The following MAP7D2 variants were observed in gnomAD, a reference collection of about 807,000 sequenced individuals.
MAP7D2 encodes the protein MAP7 domain containing 2.
A neutral mutation model predicts 63.5 loss-of-function variants in MAP7D2; 33 were observed. That is an observed-to-expected ratio of 0.52 (90% CI 0.39 to 0.70). MAP7D2 has a LOEUF of 0.70. MAP7D2 is among the 30% of genes least tolerant of loss of function. The pLI is 0.00. For missense variants in MAP7D2, 626 were observed against 604.0 expected, an observed-to-expected ratio of 1.04 and a Z score of -0.38; for synonymous variants, 224 against 223.7, an observed-to-expected ratio of 1.00 and a Z score of -0.01.
chrX:20,089,328 T>C (rs1433004951), intron 1 of MAP7D2, among the ~76,000 whole-genome samples: 2 of 112,316 alleles, frequency 1.8e-5, no homozygotes, highest in Non-Finnish European at 3.8e-5. Context: ...TCTATCCTTA[T>C]GCCAGTATCA....
intron 8 of MAP7D2, among the ~76,000 whole-genome samples, chrX:20,034,216 C>A (rs1254127592): frequency 3.0e-5 from 2 of 65,787 alleles, no homozygotes; most frequent in African/African-American, 1.4e-4. Context: ...CAGAGTGAGA[C>A]CCTGTCTCCA....
At chrX:20,087,089 T>C (rs1267823317) in intron 1 of MAP7D2, among the ~76,000 whole-genome samples, 2 of 112,113 alleles carry the variant, frequency 1.8e-5, no homozygotes, top group African/African-American at 6.5e-5. Flanking sequence ...AATAACACAT[T>C]GGTGGGGGGA....
chrX:20,108,622 G>A (rs948178425), intron 1 of MAP7D2, among the ~76,000 whole-genome samples: 1 of 107,892 alleles, frequency 9.3e-6, no homozygotes, highest in African/African-American at 3.4e-5. Flanking sequence ...AATCTAACCT[G>A]ATATTTAAAA....
intron 14 of MAP7D2, 54 bp from the exon 15 acceptor site, chrX:20,012,589 A>G: frequency 1.0e-6 from 1 of 1,001,271 alleles, no homozygotes; most frequent in Non-Finnish European, 1.4e-6. Flanking sequence ...TAAATAAAGT[A>G]ACAGAGAAAT....
At chrX:20,054,258 T>G (rs2065018536) in intron 4 of MAP7D2, among the ~76,000 whole-genome samples, 1 of 112,548 alleles carries the variant, frequency 8.9e-6, no homozygotes, top group Non-Finnish European at 1.9e-5. Context: ...TTTTCCATAT[T>G]TTAAACTACT....
intron 3 of MAP7D2, among the ~76,000 whole-genome samples, chrX:20,059,869 A>G: frequency 9.0e-6 from 1 of 111,560 alleles, no homozygotes; most frequent in Non-Finnish European, 1.9e-5. Context: ...ATGAACTTGG[A>G]GAATCACGAC....
At chrX:20,083,231 A>G (rs916159851) in intron 1 of MAP7D2, among the ~76,000 whole-genome samples, 4 of 112,621 alleles carry the variant, frequency 3.6e-5, no homozygotes, top group Non-Finnish European at 7.5e-5. Context: ...GTGGAACTGA[A>G]TATTTGGTTC....
rs970721594 is a variant in MAP7D2 at position 20,098,865 on chromosome X, G to A, written c.130+17885C>T. Among the ~76,000 whole-genome samples, 3 of 112,509 alleles carry A rather than the reference G, an allele frequency of 2.7e-5. No homozygotes were observed. The Admixed American group carries it at 2.8e-4, about 11-fold the overall frequency. ...CAAACACAGCAGGCAGAGATAAGTG[G>A]ATGTCTAAGAAGTCAGCAGCACTCC... is the stretch of plus-strand genomic sequence containing the variant. On this transcript the variant is annotated intron_variant, in intron 1 of 16. Coordinates refer to ENST00000379643, the MANE Select transcript of MAP7D2 (RefSeq NM_001168465.2).
intron 1 of MAP7D2, among the ~76,000 whole-genome samples, chrX:20,106,487 G>A (rs2148553609): frequency 8.9e-6 from 1 of 112,081 alleles, no homozygotes; most frequent in South Asian, 3.7e-4. Flanking sequence ...TGTGCTTCAC[G>A]CCATACTTGA....
At chrX:20,060,416 AAGAG>A (rs201124124) in intron 3 of MAP7D2, among the ~76,000 whole-genome samples, 6,750 of 85,810 alleles carry the variant, frequency 0.079, 360 homozygotes, top group African/African-American at 0.17. Context: ...AAGAAAAGAA[AAGAG>A]AGAGAGAGAG....
chrX:20,070,168 C>G (rs2065465769), intron 1 of MAP7D2, among the ~76,000 whole-genome samples: 1 of 111,554 alleles, frequency 9.0e-6, no homozygotes, highest in African/African-American at 3.3e-5. Flanking sequence ...AAGCTAGTCT[C>G]AAACTCCTGA....
At chrX:20,047,137 G>A (rs1034377975) in intron 6 of MAP7D2, among the ~76,000 whole-genome samples, 1 of 112,192 alleles carries the variant, frequency 8.9e-6, no homozygotes, top group African/African-American at 3.2e-5. Flanking sequence ...TAGGGTCACT[G>A]GTAGAACTGT....
At chrX:20,011,595 G>A (rs1603347982) in intron 15 of MAP7D2, among the ~76,000 whole-genome samples, 1 of 112,080 alleles carries the variant, frequency 8.9e-6, no homozygotes, top group Non-Finnish European at 1.9e-5. Flanking sequence ...GAATCTGATC[G>A]TGCTGAGAAG....
rs566978947 is a variant in MAP7D2, at chrX:20,071,514, T to C, written c.131-6709A>G. Among the ~76,000 whole-genome samples, 3 of 112,340 alleles carry C rather than the reference T, an allele frequency of 2.7e-5. No homozygotes were observed. In the South Asian group the frequency reaches 1.1e-3, roughly 41 times the overall value. On this transcript the variant is annotated intron_variant, in intron 1 of 16. Coordinates refer to ENST00000379643, the MANE Select transcript of MAP7D2 (RefSeq NM_001168465.2). ...TCCAGAACTTCTGATGGAGTAAGTCTGGGGTGAGCCAGAGAATCTGCCTTT... is the reference window on the plus strand; with the variant it reads ...TCCAGAACTTCTGATGGAGTAAGTCCGGGGTGAGCCAGAGAATCTGCCTTT...
intron 1 of MAP7D2, among the ~76,000 whole-genome samples, chrX:20,114,119 C>T (rs920424738): frequency 8.9e-6 from 1 of 112,077 alleles, no homozygotes; most frequent in Non-Finnish European, 1.9e-5. Context: ...CTGCAACCTC[C>T]GCTTCCTGGG....
At chrX:20,105,804 C>T (rs2066551076) in intron 1 of MAP7D2, among the ~76,000 whole-genome samples, 1 of 112,137 alleles carries the variant, frequency 8.9e-6, no homozygotes, top group Non-Finnish European at 1.9e-5. Flanking sequence ...CAGCTCTCTC[C>T]TCCCACAGTT....
At chrX:20,069,735 G>A (rs2065451114) in intron 1 of MAP7D2, among the ~76,000 whole-genome samples, 1 of 109,022 alleles carries the variant, frequency 9.2e-6, no homozygotes, top group Admixed American at 9.8e-5. Context: ...TACTACCACT[G>A]GGGGAAACCA....
At chrX:20,011,785 T>TTC (rs1212699730) in intron 15 of MAP7D2, among the ~76,000 whole-genome samples, 1 of 112,217 alleles carries the variant, frequency 8.9e-6, no homozygotes. Flanking sequence ...CTGGTTTTCT[T>TTC]TCTCTCTCTC....
At position 20,116,772 on chromosome X, in the gene MAP7D2, A is replaced by G; in HGVS notation, c.108T>C (p.Ser36=). Residue 36 remains serine (S), a synonymous_variant, in exon 1 of 17, where the codon TCT becomes TCC. Transcript: ENST00000379643. ...TACCTTGAGGCCGGTAGTTGGGCTG[A>G]GAGGTCCGCACCGCGCCCGGTTCTG... ...KIAEPGAVRT[S]QPNYRPQGME... is the part of the protein sequence containing the mutation. The G allele has an allele frequency of 8.4e-7, 1 of 1,186,726 alleles. No homozygotes were observed. The highest frequency in any genetic ancestry group is 1.8e-5 in the African/African-American group (1 of 55,968).
Sources: gnomAD v4.1 joint callset for allele counts (sites outside exome capture counted in the v4.1 genomes callset) on GRCh38, gnomAD v4.1.1 for gene constraint, MANE v1.5 for transcripts, NCBI Gene and HGNC (gene_info 2026-07-23, HGNC 2026-07-21) for gene names.